HDAC8: variants seen among roughly 807,000 people sequenced by gnomAD.
The protein encoded by HDAC8 is histone deacetylase 8, also known as histone deacetylase-like 1.
Under a neutral mutation model 32.2 loss-of-function variants are expected in HDAC8, and 1 was observed. The observed-to-expected ratio is 0.03, with a 90% CI of 0.01 to 0.15. The LOEUF is 0.15. HDAC8 is among the 10% of genes least tolerant of loss of function. HDAC8 has a pLI of 1.00. For synonymous variants in HDAC8, 108 were observed against 113.9 expected, an observed-to-expected ratio of 0.95 and a Z score of 0.33; for missense variants, 117 against 300.0, an observed-to-expected ratio of 0.39 and a Z score of 4.51.
At chrX:72,542,054 T>C (rs1556043492) in intron 4 of HDAC8, among the ~76,000 whole-genome samples, 3 of 112,100 alleles carry the variant, frequency 2.7e-5, no homozygotes, top group African/African-American at 9.8e-5. Flanking sequence ...ACATATCCCT[T>C]CTCTTCACCC....
At chrX:72,408,551 T>C (rs1288513194) in intron 9 of HDAC8, among the ~76,000 whole-genome samples, 1 of 111,319 alleles carries the variant, frequency 9.0e-6, no homozygotes, top group Non-Finnish European at 1.9e-5. Context: ...ATTACAGGTA[T>C]GTGCTGCCAC....
chrX:72,558,439 G>A (rs1472715842), intron 4 of HDAC8, among the ~76,000 whole-genome samples: 1 of 111,839 alleles, frequency 8.9e-6, no homozygotes, highest in African/African-American at 3.2e-5. Context: ...ACATACACAA[G>A]TCAATAAGTG....
intron 10 of HDAC8, among the ~76,000 whole-genome samples, chrX:72,338,657 T>TTTATAAATATATATAAATATATATA (rs1569225908): frequency 3.5e-4 from 28 of 79,388 alleles, no homozygotes; most frequent in African/African-American, 1.3e-3. Flanking sequence ...ATATATATAT[T>TTTATAAATATATATAAATATATATA]TATAAATATA....
chrX:72,374,051 T>A (rs1569250318), intron 9 of HDAC8, among the ~76,000 whole-genome samples: 1 of 111,220 alleles, frequency 9.0e-6, no homozygotes, highest in African/African-American at 3.3e-5. Flanking sequence ...GTTATTTTGC[T>A]CTTGTTATTT....
At chrX:72,454,436 T>C (rs1415885602) in intron 9 of HDAC8, among the ~76,000 whole-genome samples, 3 of 112,218 alleles carry the variant, frequency 2.7e-5, no homozygotes, top group Admixed American at 1.9e-4. Flanking sequence ...CAGTAAGGGT[T>C]CTGACCCATG....
At chrX:72,350,814 T>G (rs1265592635) in intron 10 of HDAC8, among the ~76,000 whole-genome samples, 5 of 111,952 alleles carry the variant, frequency 4.5e-5, no homozygotes, top group Non-Finnish European at 9.4e-5. Flanking sequence ...AATGCCCTGA[T>G]GGCTGCCACT....
At chrX:72,453,464 T>TAAAGAAAGAAAGAAAGAAAG (rs61443640) in intron 9 of HDAC8, among the ~76,000 whole-genome samples, 1,952 of 67,219 alleles carry the variant, frequency 0.029, 73 homozygotes, top group African/African-American at 0.043. Flanking sequence ...CTCTTAAAAA[T>TAAAGAAAGAAAGAAAGAAAG]AAAGAAAGAA....
intron 7 of HDAC8, among the ~76,000 whole-genome samples, 199 bp downstream of exon 7, chrX:72,488,734 T>C (rs782590844): frequency 8.9e-6 from 1 of 111,764 alleles, no homozygotes; most frequent in African/African-American, 3.2e-5. Context: ...ACCTGGAGCA[T>C]GGCTCTGGTC....
At chrX:72,442,016 C>A (rs1346787441) in intron 9 of HDAC8, among the ~76,000 whole-genome samples, 1 of 110,897 alleles carries the variant, frequency 9.0e-6, no homozygotes, top group Non-Finnish European at 1.9e-5. Context: ...AAAAAGCCTC[C>A]AAGAAATATG....
At chrX:72,531,255 T>C (rs1386080474) in intron 4 of HDAC8, among the ~76,000 whole-genome samples, 1 of 112,089 alleles carries the variant, frequency 8.9e-6, no homozygotes, top group African/African-American at 3.2e-5. Context: ...AAAGAGGATG[T>C]TTTAACTGTG....
At chrX:72,520,215 GT>G (rs1238441329) in intron 4 of HDAC8, among the ~76,000 whole-genome samples, 1 of 111,507 alleles carries the variant, frequency 9.0e-6, no homozygotes, top group Non-Finnish European at 1.9e-5. Flanking sequence ...TTTTCTAAAA[GT>G]TTTTTTAGTT....
At chrX:72,426,875 T>G (rs1017273914) in intron 9 of HDAC8, among the ~76,000 whole-genome samples, 3 of 109,565 alleles carry the variant, frequency 2.7e-5, no homozygotes, top group Non-Finnish European at 5.7e-5. Context: ...GGGTCCTAAT[T>G]TAATAGGATG....
chrX:72,374,982 C>A (rs1555957592), intron 9 of HDAC8, among the ~76,000 whole-genome samples: 1 of 110,026 alleles, frequency 9.1e-6, no homozygotes, highest in Non-Finnish European at 1.9e-5. Context: ...CCACACCCAG[C>A]TAATTTTTAA....
At chrX:72,474,273 G>A (rs1555999258) in intron 7 of HDAC8, 1 of 731,308 alleles carries the variant, frequency 1.4e-6, no homozygotes, top group Non-Finnish European at 1.6e-6. Flanking sequence ...TTAAATGTGT[G>A]TGAATATGAA....
chrX:72,371,949 T>C (rs1343881796), intron 9 of HDAC8, among the ~76,000 whole-genome samples: 1 of 109,923 alleles, frequency 9.1e-6, no homozygotes, highest in Non-Finnish European at 1.9e-5. Flanking sequence ...CAGAGGAAAA[T>C]AAAGTAGGGT....
chrX:72,352,691 G>C (rs896502545), intron 9 of HDAC8, among the ~76,000 whole-genome samples: 5 of 111,860 alleles, frequency 4.5e-5, no homozygotes, highest in Non-Finnish European at 9.4e-5. Flanking sequence ...CTCTATAGTA[G>C]AGTTTATTTG....
At chrX:72,554,958 C>T (rs1281429795) in intron 4 of HDAC8, among the ~76,000 whole-genome samples, 1 of 112,141 alleles carries the variant, frequency 8.9e-6, no homozygotes, top group Non-Finnish European at 1.9e-5. Context: ...TGGCTGGAGG[C>T]CAACCAACAC....
intron 4 of HDAC8, among the ~76,000 whole-genome samples, chrX:72,503,536 A>C (rs1286255436): frequency 1.8e-5 from 2 of 111,681 alleles, no homozygotes; most frequent in Non-Finnish European, 3.8e-5. Context: ...ATAATTCATA[A>C]CTATCTAGTA....
At chrX:72,552,790 A>AAT (rs1556077055) in intron 4 of HDAC8, among the ~76,000 whole-genome samples, 10 of 102,638 alleles carry the variant, frequency 9.7e-5, no homozygotes, top group Non-Finnish European at 1.9e-4. Flanking sequence ...AAAAAAAAAA[A>AAT]ATATATATAT....
Sources: allele counts gnomAD v4.1 joint callset (sites outside exome capture counted in the v4.1 genomes callset), GRCh38; gene constraint gnomAD v4.1.1; transcripts MANE v1.5; gene names NCBI Gene and HGNC (gene_info 2026-07-23, HGNC 2026-07-21).